Variants in CACNA1B observed in about 807,000 individuals in gnomAD.
CACNA1B encodes voltage-dependent N-type calcium channel subunit alpha-1B.
In CACNA1B, 70 loss-of-function variants were observed where a neutral mutation model predicts 247.2. The ratio of observed to expected loss-of-function variants is 0.28; its 90% CI spans 0.23 to 0.35. The LOEUF (loss-of-function observed/expected upper bound fraction) is 0.35. Ranked by LOEUF, CACNA1B falls within the 10% of genes least tolerant of loss-of-function variation. The pLI, the probability that CACNA1B is intolerant of heterozygous loss-of-function variation, is 1.00. For synonymous variants in CACNA1B, 1,231 were observed against 1,294.4 expected, an observed-to-expected ratio of 0.95 and a Z score of 1.05; for missense variants, 2,367 against 3,197.4, an observed-to-expected ratio of 0.74 and a Z score of 6.26.
intron 36 of CACNA1B, among the ~76,000 whole-genome samples, chr9:138,086,173 T>G (rs1445721579): frequency 6.6e-6 from 1 of 151,226 alleles, no homozygotes; most frequent in Non-Finnish European, 1.5e-5. Flanking sequence ...ATTCCCTCAC[T>G]TAAAGTATAT....
intron 15 of CACNA1B, among the ~76,000 whole-genome samples, chr9:137,996,365 C>T (rs749028459): frequency 6.6e-6 from 1 of 152,148 alleles, no homozygotes; most frequent in Admixed American, 6.5e-5. Flanking sequence ...TTTGCAACAA[C>T]GTGGATGGAA....
At chr9:138,004,527 G>A (rs1273134556) in intron 15 of CACNA1B, among the ~76,000 whole-genome samples, 2 of 129,018 alleles carry the variant, frequency 1.6e-5, no homozygotes, top group African/African-American at 6.0e-5. Context: ...TCCGGCCTGG[G>A]AAACAGAACA....
intron 6 of CACNA1B, among the ~76,000 whole-genome samples, chr9:137,932,144 G>A (rs1005744005): frequency 1.3e-5 from 2 of 152,134 alleles, no homozygotes; most frequent in African/African-American, 2.4e-5. Flanking sequence ...GTATGGCGAC[G>A]ATACTTTGGG....
chr9:138,104,214 T>C (rs907310878), intron 38 of CACNA1B, among the ~76,000 whole-genome samples: 7 of 152,208 alleles, frequency 4.6e-5, no homozygotes, highest in Non-Finnish European at 7.4e-5. Context: ...GACACCTGTT[T>C]GTTTGCCCTG....
Position 138,059,615 on chromosome 9 carries a change from C to T in CACNA1B, c.4585-39C>T, listed in dbSNP as rs762402428. Reference sequence around the variant, plus strand: ...TATACCTCTTTGCCAACAGAGCCCTCATCAGCCGCTGGCACTAACTGCTCT... The same window carrying T: ...TATACCTCTTTGCCAACAGAGCCCTTATCAGCCGCTGGCACTAACTGCTCT... On this transcript the variant is annotated intron_variant, in intron 30 of 46. Transcript: ENST00000371372. The surrounding 1 kb of genome is among the most constrained non-coding windows in gnomAD (Gnocchi z 4.2). The T allele has an allele frequency of 6.8e-6, 8 of 1,183,728 alleles. No individual in the cohort carries two copies. In the South Asian group the frequency reaches 8.5e-5, roughly 13 times the overall value. The allele number at this position is 1,183,728 out of a possible 1,614,324, so 73.3% of individuals were successfully genotyped here. A position where few individuals can be genotyped will look rare whatever the true frequency, so the allele number is the denominator to read the frequency against.
chr9:138,092,026 AAGAC>A (rs1960897095), intron 36 of CACNA1B, among the ~76,000 whole-genome samples: 1 of 152,220 alleles, frequency 6.6e-6, no homozygotes. Flanking sequence ...AACAGGGAGT[AAGAC>A]ACAAAGAGCA....
chr9:138,105,708 C>T lies in CACNA1B; in HGVS notation c.5329C>T (p.Arg1777Cys). The T allele has an allele frequency of 1.3e-6, 2 of 1,553,218 alleles. No individual in the cohort carries two copies. The highest frequency in any genetic ancestry group is 1.2e-5 in the South Asian group (1 of 84,336). The stretch of plus-strand genomic sequence containing the variant: ...CCCTGCTTGTCCCTAGCGCCTGGTT[C>T]GCATGAACATGCCCATCTCCAACGA... Reference protein sequence around the residue: ...PARVAYKRLVRMNMPISNEDM... With the variant: ...PARVAYKRLVCMNMPISNEDM... The change falls in exon 39 of 47, where the codon CGC becomes TGC. Residue 1777 changes from arginine (R) to cysteine (C), a missense_variant. By Grantham distance (180) the Arg-to-Cys change is radical (BLOSUM62 -3). Around this residue, in one of 12 missense-constraint regions of CACNA1B, gnomAD observed 55 missense variants for 107.8 expected, o/e 0.51. Coordinates refer to ENST00000371372, the MANE Select transcript of CACNA1B (RefSeq NM_000718.4).
chr9:138,101,253 C>G, intron 37 of CACNA1B: 1 of 494,500 alleles, frequency 2.0e-6, no homozygotes, highest in Non-Finnish European at 4.2e-6. Context: ...GAAACGCACA[C>G]AGCACACACT....
At chr9:138,109,873 C>T (rs997453293) in intron 39 of CACNA1B, among the ~76,000 whole-genome samples, 3 of 152,020 alleles carry the variant, frequency 2.0e-5, no homozygotes, top group Non-Finnish European at 4.4e-5. Context: ...GAGTTTGAGA[C>T]CAACTTGGCC....
At position 138,054,103 on chromosome 9, in the gene CACNA1B, T is replaced by G; in HGVS notation, c.3968+97T>G. On this transcript the variant is annotated intron_variant, in intron 26 of 46. Transcript: ENST00000371372. This position sits in a 1 kb window ranked among gnomAD's most constrained non-coding sequence, Gnocchi z 4.6. ...ACCAGGTGGAGCTGGTCACACGGCG[T>G]GGGAGACTCCACTGCAGAGCATCAC... The G allele has an allele frequency of 8.5e-7, 1 of 1,177,912 alleles. No individual in the cohort carries two copies. The highest frequency in any genetic ancestry group is 1.3e-6 in the Non-Finnish European group (1 of 798,714). 73.0% of individuals were successfully genotyped at this position (1,177,912 alleles called of 1,614,324 possible). A position where few individuals can be genotyped will look rare whatever the true frequency, so the allele number is the denominator to read the frequency against.
chr9:138,118,609 C>A lies in CACNA1B; in HGVS notation c.5914-43C>A, dbSNP rs149618908. Reference sequence around the variant, plus strand: ...TCCGGGGTGGGATCAGATGAGTCCGCGGTGCCTTGTGTGGTGGGACTAGGT... The same window carrying A: ...TCCGGGGTGGGATCAGATGAGTCCGAGGTGCCTTGTGTGGTGGGACTAGGT... On this transcript the variant is annotated intron_variant, in intron 43 of 46. Transcript: ENST00000371372. The A allele has an allele frequency of 2.2e-5, 22 of 980,804 alleles. 1 individual carries two copies. The highest frequency in any genetic ancestry group is 3.0e-5 in the Non-Finnish European group (19 of 635,182). The allele number at this position is 980,804 out of a possible 1,614,324, so 60.8% of individuals were successfully genotyped here. A position where few individuals can be genotyped will look rare whatever the true frequency, so the allele number is the denominator to read the frequency against.
At chr9:137,979,738 TAGGTCC>T (rs1253937108) in intron 12 of CACNA1B, among the ~76,000 whole-genome samples, 2 of 152,262 alleles carry the variant, frequency 1.3e-5, no homozygotes, top group South Asian at 4.2e-4. Flanking sequence ...CATCCTCAGT[TAGGTCC>T]AGGTGTGGGT....
At chr9:137,879,529 G>A (rs1956887916) in intron 2 of CACNA1B, among the ~76,000 whole-genome samples, 1 of 152,248 alleles carries the variant, frequency 6.6e-6, no homozygotes, top group African/African-American at 2.4e-5. Flanking sequence ...AATGCCATGT[G>A]TGCCCTGCTG....
intron 1 of CACNA1B, 72 bp from the exon 2 acceptor site, chr9:137,878,982 C>T: frequency 2.1e-6 from 2 of 953,370 alleles, no homozygotes; most frequent in South Asian, 1.5e-5. Flanking sequence ...GGCTGCTGCA[C>T]TGGGCTCTGC....
chr9:137,953,559 C>T (rs1366034613), intron 7 of CACNA1B, among the ~76,000 whole-genome samples: 2 of 152,168 alleles, frequency 1.3e-5, no homozygotes, highest in Admixed American at 6.5e-5. Flanking sequence ...AACCAGCAAG[C>T]GACCGGCTCA....
At chr9:138,093,484 TA>T (rs1239984927) in intron 36 of CACNA1B, among the ~76,000 whole-genome samples, 1 of 150,566 alleles carries the variant, frequency 6.6e-6, no homozygotes, top group Non-Finnish European at 1.5e-5. Context: ...CTCAGGCCTG[TA>T]ATCCCAGCAC....
At chr9:138,005,905 A>T (rs1292789509) in intron 15 of CACNA1B, among the ~76,000 whole-genome samples, 1 of 151,906 alleles carries the variant, frequency 6.6e-6, no homozygotes, top group Non-Finnish European at 1.5e-5. Flanking sequence ...TAGCCGGGTG[A>T]GGTGGTGGGT....
At position 138,057,212 on chromosome 9, in the gene CACNA1B, C is replaced by T. The variant is rs978101582; in HGVS notation, c.3969-520C>T. On this transcript the variant is annotated intron_variant, in intron 26 of 46. Coordinates refer to ENST00000371372, the MANE Select transcript of CACNA1B (RefSeq NM_000718.4). This position sits in a 1 kb window ranked among gnomAD's most constrained non-coding sequence, Gnocchi z 4.0. ...TCGGCCTCCCAAAGTGCTGGGATTA[C>T]AGGCGTGAGCCACCGCGCCCGGCCT... is the stretch of plus-strand genomic sequence containing the variant. 2.0e-5 allele frequency among the ~76,000 whole-genome samples: 3 copies of T among 152,222 alleles called. No individual in the cohort carries two copies. Among genetic ancestry groups the T allele is most frequent in the Middle Eastern group, 3.4e-3 (1 of 294 alleles).
chr9:137,960,432 GAC>G (rs2133350651), intron 10 of CACNA1B, among the ~76,000 whole-genome samples: 1 of 17,166 alleles, frequency 5.8e-5, no homozygotes, highest in Non-Finnish European at 1.2e-4. Flanking sequence ...CAGCCTGAGA[GAC>G]GGAGGGGGAG....
Sources: gnomAD v4.1 joint callset for allele counts (sites outside exome capture counted in the v4.1 genomes callset) on GRCh38, gnomAD v4.1.1 for gene constraint, gnomAD v4.1.1 regional missense constraint, Gnocchi (gnomAD v3.1) non-coding constraint, MANE v1.5 for transcripts, NCBI Gene and HGNC (gene_info 2026-07-23, HGNC 2026-07-21) for gene names.